The following LRCH1 variants were observed in gnomAD, a reference collection of about 807,000 sequenced individuals.
LRCH1 encodes leucine-rich repeat and calponin homology domain-containing protein 1.
LRCH1 carries 23 observed loss-of-function variants against 94.9 expected under a neutral mutation model. The observed-to-expected ratio is 0.24, with a 90% CI of 0.17 to 0.34. LRCH1 has a LOEUF of 0.34. LRCH1 is among the 10% of genes least tolerant of loss of function. The probability of loss-of-function intolerance (pLI) is 1.00; values close to 1 mark genes in which losing one functional copy is unlikely to be tolerated. For missense variants in LRCH1, 790 were observed against 945.9 expected (o/e 0.84, Z 2.16); for synonymous variants, 364 against 354.9 (o/e 1.03, Z -0.29).
At chr13:46,714,214 G>A (rs1375766747) in intron 15 of LRCH1, among the ~76,000 whole-genome samples, 1 of 152,132 alleles carries the variant, frequency 6.6e-6, no homozygotes, top group Non-Finnish European at 1.5e-5. Context: ...TAACCAATGT[G>A]GAAATTGTTC....
At chr13:46,699,990 G>T (rs545606590) in intron 10 of LRCH1, among the ~76,000 whole-genome samples, 2 of 152,132 alleles carry the variant, frequency 1.3e-5, no homozygotes, top group African/African-American at 2.4e-5. Flanking sequence ...TTATCTTGCC[G>T]CAAGGTCACA....
chr13:46,573,702 A>G (rs979456395), intron 1 of LRCH1, among the ~76,000 whole-genome samples: 6 of 151,472 alleles, frequency 4.0e-5, no homozygotes, highest in African/African-American at 1.5e-4. Flanking sequence ...ATGGACATAG[A>G]CATAGAGAGT....
At chr13:46,673,716 T>C (rs941660767) in intron 3 of LRCH1, among the ~76,000 whole-genome samples, 2 of 151,882 alleles carry the variant, frequency 1.3e-5, no homozygotes, top group Non-Finnish European at 2.9e-5. Context: ...TTTAAATTGT[T>C]CACATTAGAC....
At chr13:46,574,793 C>T (rs1416147196) in intron 1 of LRCH1, among the ~76,000 whole-genome samples, 1 of 119,488 alleles carries the variant, frequency 8.4e-6, no homozygotes, top group Non-Finnish European at 1.8e-5. Flanking sequence ...TGTTTACTTT[C>T]GGTTGTCTGG....
At chr13:46,693,097 G>A (rs1318465410) in intron 8 of LRCH1, among the ~76,000 whole-genome samples, 2 of 151,094 alleles carry the variant, frequency 1.3e-5, no homozygotes, top group Non-Finnish European at 2.9e-5. Flanking sequence ...TCAGCCTCCC[G>A]AGTAGCTGGG....
intron 1 of LRCH1, among the ~76,000 whole-genome samples, chr13:46,639,140 C>G (rs2051128850): frequency 6.6e-6 from 1 of 152,166 alleles, no homozygotes; most frequent in South Asian, 2.1e-4. Flanking sequence ...ATGTAATTAG[C>G]AACTCACAGC....
chr13:46,684,269 C>G (rs1435314338), intron 4 of LRCH1, among the ~76,000 whole-genome samples: 1 of 149,758 alleles, frequency 6.7e-6, no homozygotes, highest in Admixed American at 6.7e-5. Context: ...CTTTCCTGGG[C>G]TGGTGTTGCA....
chr13:46,656,776 G>A (rs1297713363), intron 2 of LRCH1, among the ~76,000 whole-genome samples: 1 of 152,198 alleles, frequency 6.6e-6, no homozygotes, highest in African/African-American at 2.4e-5. Context: ...AATTATTAAT[G>A]TGTTTATAAA....
chr13:46,598,983 T>C (rs892649633), intron 1 of LRCH1, among the ~76,000 whole-genome samples: 8 of 152,212 alleles, frequency 5.3e-5, no homozygotes, highest in African/African-American at 1.7e-4. Flanking sequence ...ATTAAATGAC[T>C]CTTCATCTCC....
intron 1 of LRCH1, among the ~76,000 whole-genome samples, chr13:46,555,755 G>T (rs1056851106): frequency 1.3e-5 from 2 of 152,180 alleles, no homozygotes; most frequent in African/African-American, 2.4e-5. Flanking sequence ...CATCAGAAAA[G>T]TATTCATTGC....
chr13:46,576,747 A>G (rs1390808169), intron 1 of LRCH1, among the ~76,000 whole-genome samples: 2 of 152,142 alleles, frequency 1.3e-5, no homozygotes, highest in African/African-American at 4.8e-5. Flanking sequence ...CCAGCATTCC[A>G]TTACAGTGCT....
chr13:46,575,510 ATGTG>A (rs59582784), intron 1 of LRCH1, among the ~76,000 whole-genome samples: 63 of 143,364 alleles, frequency 4.4e-4, no homozygotes, highest in African/African-American at 1.0e-3. Context: ...CTGTGCATGA[ATGTG>A]TGTGTGTGTG....
rs775023587 is a variant in LRCH1 at position 46,681,756 on chromosome 13, G to C, written c.595G>C (p.Glu199Gln). The change falls in exon 4 of 20, where the codon GAG (glutamate) becomes CAG (glutamine). Residue 199 changes from glutamate (E) to glutamine (Q), a missense_variant. Transcript: ENST00000389797. ...QLMELDVSCN[E>Q]ITALPQQIGQ... The stretch of plus-strand genomic sequence containing the variant: ...TTTGATACAGGATGTCAGCTGCAAC[G>C]AGATCACAGCGTTGCCCCAGCAGAT... 1.2e-6 allele frequency: 2 copies of C among 1,611,852 alleles called. No homozygotes were observed. The highest frequency in any genetic ancestry group is 3.3e-5 in the Admixed American group (2 of 60,010).
chr13:46,645,071 C>T (rs1300219690), intron 1 of LRCH1, among the ~76,000 whole-genome samples: 1 of 149,192 alleles, frequency 6.7e-6, no homozygotes, highest in Non-Finnish European at 1.5e-5. Context: ...AGAGTTTTCC[C>T]TCAAACCTGG....
intron 1 of LRCH1, among the ~76,000 whole-genome samples, chr13:46,578,161 T>C (rs2050324064): frequency 6.6e-6 from 1 of 152,162 alleles, no homozygotes; most frequent in Non-Finnish European, 1.5e-5. Context: ...CATTTCAAAA[T>C]CTCCTGGCTG....
intron 1 of LRCH1, among the ~76,000 whole-genome samples, chr13:46,613,762 C>A (rs756519875): frequency 1.3e-5 from 2 of 152,198 alleles, no homozygotes; most frequent in African/African-American, 2.4e-5. Context: ...ACAACATAAG[C>A]AGGGTGACCA....
chr13:46,556,003 G>A (rs921813150), intron 1 of LRCH1, among the ~76,000 whole-genome samples: 8 of 152,222 alleles, frequency 5.3e-5, no homozygotes, highest in African/African-American at 1.9e-4. Context: ...TAGTACAGTT[G>A]AAAGTTTGAG....
intron 1 of LRCH1, among the ~76,000 whole-genome samples, chr13:46,567,413 T>G (rs1249712819): frequency 2.6e-5 from 4 of 152,016 alleles, no homozygotes; most frequent in Non-Finnish European, 5.9e-5. Flanking sequence ...ATCTGTGCAA[T>G]TGACGGCAAA....
chr13:46,728,829 T>G lies in LRCH1; in HGVS notation c.1870-18T>G. 6.3e-7 allele frequency: 1 copy of G among 1,585,374 alleles called. No homozygotes were observed. The highest frequency in any genetic ancestry group is 8.6e-7 in the Non-Finnish European group (1 of 1,160,320). ...TCAGTGTTCATATTAACTGGCTTCC[T>G]TCTGATTTCCCCAACAGAGCATTGA... On this transcript the variant is annotated intron_variant, in intron 17 of 19. Coordinates refer to ENST00000389797, the MANE Select transcript of LRCH1 (RefSeq NM_001164211.2).
Sources: allele counts gnomAD v4.1 joint callset (sites outside exome capture counted in the v4.1 genomes callset), GRCh38; gene constraint gnomAD v4.1.1; transcripts MANE v1.5; gene names NCBI Gene and HGNC (gene_info 2026-07-23, HGNC 2026-07-21).